Variants in ANO3 observed in about 807,000 individuals in gnomAD.
ANO3 encodes the protein anoctamin-3.
In ANO3, 99 loss-of-function variants were observed where a neutral mutation model predicts 144.8. The ratio of observed to expected loss-of-function variants is 0.68; its 90% CI spans 0.58 to 0.81. ANO3 has a LOEUF of 0.81. Among genes scored for constraint, ANO3 ranks in the 30% least tolerant of loss-of-function variants. ANO3 has a pLI of 0.00. For missense variants in ANO3, 905 were observed against 1,202.2 expected (o/e 0.75, Z 3.66); for synonymous variants, 414 against 392.6 (o/e 1.05, Z -0.64).
At position 26,639,255 on chromosome 11, in the gene ANO3, T is replaced by C; in HGVS notation, c.2141+14T>C. ...ACTAGGATACCCGTGAGCACATTAT[T>C]TTCAAACTTGCCTTATGTCTAGTTA... On this transcript the variant is annotated intron_variant, in intron 21 of 26. Transcript: ENST00000256737. 6.3e-7 allele frequency: 1 copy of C among 1,598,650 alleles called. No individual in the cohort carries two copies. The highest frequency in any genetic ancestry group is 8.6e-7 in the Non-Finnish European group (1 of 1,166,368).
chr11:26,306,440 T>G (rs1037066062), upstream of ANO3, among the ~76,000 whole-genome samples: 1 of 152,106 alleles, frequency 6.6e-6, no homozygotes, highest in Non-Finnish European at 1.5e-5. Context: ...GGTTCACACT[T>G]ATAATCTCAG....
chr11:26,410,972 C>A (rs995793370), intron 1 of ANO3, among the ~76,000 whole-genome samples: 9 of 151,988 alleles, frequency 5.9e-5, no homozygotes, highest in African/African-American at 2.2e-4. Context: ...ATTTCCGGAT[C>A]TTCAACAGGG....
At chr11:26,240,528 C>T (rs1334233257) in intron 1 of ANO3, among the ~76,000 whole-genome samples, 1 of 152,304 alleles carries the variant, frequency 6.6e-6, no homozygotes, top group East Asian at 1.9e-4. Context: ...CAATGTGTTT[C>T]ATCCTCATGT....
At chr11:26,547,879 C>T (rs1002528987) in intron 12 of ANO3, among the ~76,000 whole-genome samples, 1 of 151,856 alleles carries the variant, frequency 6.6e-6, no homozygotes. Flanking sequence ...AGAATGCCCT[C>T]TTGATATATT....
At chr11:26,366,138 T>G (rs1856075723) in intron 1 of ANO3, among the ~76,000 whole-genome samples, 1 of 151,764 alleles carries the variant, frequency 6.6e-6, no homozygotes. Flanking sequence ...ATGCTATCCC[T>G]CCCACCTCCC....
intron 1 of ANO3, among the ~76,000 whole-genome samples, chr11:26,407,413 C>A (rs769247110): frequency 6.6e-6 from 1 of 151,652 alleles, no homozygotes; most frequent in East Asian, 1.9e-4. Context: ...GGAACATATT[C>A]TAGTACTGAC....
At chr11:26,642,861 T>C (rs535490008) in intron 22 of ANO3, among the ~76,000 whole-genome samples, 30 of 152,090 alleles carry the variant, frequency 2.0e-4, no homozygotes, top group Admixed American at 1.5e-3. Context: ...CTCCTTCTCC[T>C]CCTCCTCTGT....
Position 26,404,925 on chromosome 11 carries a change from TTA to T in ANO3, c.47-36985_47-36984del, listed in dbSNP as rs555709558. On this transcript the variant is annotated intron_variant, in intron 1 of 26. Coordinates refer to ENST00000256737, the MANE Select transcript of ANO3 (RefSeq NM_031418.4). ...CCAGTGGCTAATTTCAGCAAGGAAT[TTA>T]TATATATGTGTGTGTGTGTGTGTGT... Among the ~76,000 whole-genome samples the T allele has an allele frequency of 1.2e-3, 68 of 56,580 alleles. No individual in the cohort carries two copies. In the South Asian group the frequency reaches 0.038, roughly 32 times the overall value. 37.1% of individuals were successfully genotyped at this position (56,580 alleles called of 152,430 possible). A position where few individuals can be genotyped will look rare whatever the true frequency, so the allele number is the denominator to read the frequency against.
At chr11:26,422,366 C>T (rs1026414483) in intron 1 of ANO3, among the ~76,000 whole-genome samples, 1 of 152,012 alleles carries the variant, frequency 6.6e-6, no homozygotes, top group African/African-American at 2.4e-5. Context: ...GCAGCTTCTC[C>T]TCCTTGGAGC....
At chr11:26,546,347 T>C (rs1199677699) in intron 11 of ANO3, among the ~76,000 whole-genome samples, 1 of 151,850 alleles carries the variant, frequency 6.6e-6, no homozygotes, top group Non-Finnish European at 1.5e-5. Flanking sequence ...CTGCACCCAG[T>C]AGAATATGCA....
At chr11:26,339,738 C>T (rs1242945237) in intron 1 of ANO3, among the ~76,000 whole-genome samples, 5 of 152,176 alleles carry the variant, frequency 3.3e-5, no homozygotes, top group Non-Finnish European at 7.3e-5. Flanking sequence ...GGCAGAATGA[C>T]CTCCATGTTT....
chr11:26,301,984 G>A (rs535825659), intron 1 of ANO3, among the ~76,000 whole-genome samples: 20 of 152,114 alleles, frequency 1.3e-4, no homozygotes, highest in Non-Finnish European at 1.8e-4. Flanking sequence ...ATCCCAAATC[G>A]AAAAGTAGGG....
intron 1 of ANO3, among the ~76,000 whole-genome samples, chr11:26,380,963 C>G (rs541365171): frequency 1.3e-5 from 2 of 152,068 alleles, no homozygotes; most frequent in Non-Finnish European, 2.9e-5. Flanking sequence ...GCCTGGGTGA[C>G]AGAGCGAGAC....
intron 20 of ANO3, 115 bp downstream of exon 20, chr11:26,635,185 C>T (rs111653521): frequency 4.5e-5 from 39 of 867,334 alleles, no homozygotes; most frequent in East Asian, 1.0e-4. Context: ...ATATTGAAGA[C>T]GACACATTGT....
rs1027878070 is a variant in ANO3, at chr11:26,456,300, G to C, written c.314-6730G>C. On this transcript the variant is annotated intron_variant, in intron 3 of 26. Coordinates refer to ENST00000256737, the MANE Select transcript of ANO3 (RefSeq NM_031418.4). The stretch of plus-strand genomic sequence containing the variant: ...GAGTGAACAGGCAACCTACAAAATG[G>C]GACAAAATTTTCACAACCTCCTCAT... 5.3e-5 allele frequency among the ~76,000 whole-genome samples: 8 copies of C among 151,966 alleles called. No individual in the cohort carries two copies. In the South Asian group the frequency reaches 1.7e-3, roughly 32 times the overall value.
chr11:26,332,105 A>C, upstream of ANO3: 1 of 1,485,834 alleles, frequency 6.7e-7, no homozygotes, highest in Middle Eastern at 2.5e-4. Context: ...TTCCCATGAC[A>C]ACGACACCGG....
chr11:26,414,560 G>A (rs144021630), intron 1 of ANO3, among the ~76,000 whole-genome samples: 9,550 of 151,702 alleles, frequency 0.063, 512 homozygotes, highest in African/African-American at 0.15. Flanking sequence ...TGGACACAGG[G>A]AGGGAAACAT....
At chr11:26,617,020 C>T (rs61878604) in intron 17 of ANO3, among the ~76,000 whole-genome samples, 20,714 of 152,196 alleles carry the variant, frequency 0.14, 1,734 homozygotes, top group South Asian at 0.18. Flanking sequence ...ATCCACCTGC[C>T]TCAGCCTTCC....
At chr11:26,283,364 A>G (rs941677660) in intron 1 of ANO3, among the ~76,000 whole-genome samples, 3 of 119,662 alleles carry the variant, frequency 2.5e-5, no homozygotes, top group Admixed American at 1.8e-4. Flanking sequence ...ATATATATAT[A>G]TAGCGAGCAT....
Sources: allele counts gnomAD v4.1 joint callset (sites outside exome capture counted in the v4.1 genomes callset), GRCh38; gene constraint gnomAD v4.1.1; transcripts MANE v1.5; gene names NCBI Gene and HGNC (gene_info 2026-07-23, HGNC 2026-07-21).